The following GORASP2 variants were observed in gnomAD, a reference collection of about 807,000 sequenced individuals.
The protein encoded by GORASP2 is Golgi reassembly-stacking protein 2.
In GORASP2, 22 loss-of-function variants were observed where a neutral mutation model predicts 45.7. That is an observed-to-expected ratio of 0.48 (90% CI 0.34 to 0.69). GORASP2 has a LOEUF of 0.69. Ranked by LOEUF, GORASP2 falls within the 30% of genes least tolerant of loss-of-function variation. The pLI, the probability that GORASP2 is intolerant of heterozygous loss-of-function variation, is 0.01. For synonymous variants in GORASP2, 221 were observed against 215.6 expected (o/e 1.02, Z -0.22); for missense variants, 491 against 562.7 (o/e 0.87, Z 1.29).
At chr2:170,959,934 G>A (rs1351816891) in intron 7 of GORASP2, among the ~76,000 whole-genome samples, 3 of 148,082 alleles carry the variant, frequency 2.0e-5, no homozygotes, top group Non-Finnish European at 3.0e-5. Context: ...TGATTCTCCT[G>A]CCTCAGCCTC....
intron 1 of GORASP2, 81 bp from the exon 2 acceptor site, chr2:170,948,269 T>C: frequency 1.2e-6 from 1 of 807,270 alleles, no homozygotes; most frequent in Non-Finnish European, 2.2e-6. Flanking sequence ...AATTGGTCTA[T>C]TTTTACTGAA....
intron 8 of GORASP2, 27 bp downstream of exon 8, chr2:170,961,776 G>A: frequency 9.2e-7 from 1 of 1,087,498 alleles, no homozygotes; most frequent in Non-Finnish European, 1.4e-6. Flanking sequence ...TAGAGATGTG[G>A]CTGATAATAA....
intron 1 of GORASP2, among the ~76,000 whole-genome samples, chr2:170,946,369 GAAAA>G (rs758623304): frequency 6.6e-6 from 1 of 151,346 alleles, no homozygotes; most frequent in South Asian, 2.1e-4. Flanking sequence ...AAATATTTTG[GAAAA>G]AAAATGTGGA....
chr2:170,936,028 C>T (rs1169956809), intron 1 of GORASP2, among the ~76,000 whole-genome samples: 2 of 152,088 alleles, frequency 1.3e-5, no homozygotes, highest in Non-Finnish European at 2.9e-5. Context: ...CCTTCTGGGT[C>T]AGATACTAAC....
chr2:170,939,361 A>G (rs901110725), intron 1 of GORASP2, among the ~76,000 whole-genome samples: 23 of 151,910 alleles, frequency 1.5e-4, no homozygotes, highest in South Asian at 8.3e-4. Flanking sequence ...TGAGGCTTGA[A>G]CTCTTCTAGT....
chr2:170,947,738 CCTG>C (rs540974933), intron 1 of GORASP2, among the ~76,000 whole-genome samples: 1 of 152,098 alleles, frequency 6.6e-6, no homozygotes, highest in African/African-American at 2.4e-5. Flanking sequence ...TGCTGTGTCC[CCTG>C]CTAATTGCTG....
intron 1 of GORASP2, among the ~76,000 whole-genome samples, chr2:170,931,954 A>C (rs1267456112): frequency 6.6e-6 from 1 of 152,240 alleles, no homozygotes; most frequent in East Asian, 1.9e-4. Flanking sequence ...TTGGCCGCGC[A>C]CAGTGGCTCA....
chr2:170,929,952 C>T (rs563821912), intron 1 of GORASP2: 1 of 349,456 alleles, frequency 2.9e-6, no homozygotes, highest in South Asian at 2.1e-5. Context: ...GTAGGTTCGA[C>T]GGACTTAAAC....
At chr2:170,929,782 T>A in intron 1 of GORASP2, 1 of 483,668 alleles carries the variant, frequency 2.1e-6, no homozygotes, top group Non-Finnish European at 4.2e-6. Flanking sequence ...GTCTCCAAAG[T>A]GGTGACTGTG....
chr2:170,935,164 T>C (rs1703918720), intron 1 of GORASP2, among the ~76,000 whole-genome samples: 1 of 152,226 alleles, frequency 6.6e-6, no homozygotes, highest in African/African-American at 2.4e-5. Flanking sequence ...TATATAAATC[T>C]TGGGATACTT....
chr2:170,962,465 T>G (rs1359360562), intron 8 of GORASP2, among the ~76,000 whole-genome samples: 1 of 152,248 alleles, frequency 6.6e-6, no homozygotes, highest in South Asian at 2.1e-4. Context: ...TTAAAAGTCA[T>G]AGAGACTGTA....
At chr2:170,957,517 C>A (rs759786351) in intron 7 of GORASP2, among the ~76,000 whole-genome samples, 6 of 152,210 alleles carry the variant, frequency 3.9e-5, no homozygotes, top group Non-Finnish European at 7.3e-5. Flanking sequence ...CTCAGGTGAT[C>A]TGCCCTCCTC....
intron 5 of GORASP2, 163 bp downstream of exon 5, chr2:170,951,621 A>T: frequency 1.8e-6 from 1 of 552,060 alleles, no homozygotes; most frequent in Non-Finnish European, 3.2e-6. Context: ...CAATTTTTTT[A>T]AAGTACATAT....
chr2:170,962,020 C>T (rs144054139), intron 8 of GORASP2, among the ~76,000 whole-genome samples: 1 of 152,242 alleles, frequency 6.6e-6, no homozygotes, highest in Non-Finnish European at 1.5e-5. Flanking sequence ...TGCAGCTCTA[C>T]AGTGCAGCAT....
At chr2:170,936,167 A>G (rs112104402) in intron 1 of GORASP2, among the ~76,000 whole-genome samples, 3 of 151,996 alleles carry the variant, frequency 2.0e-5, no homozygotes, top group African/African-American at 7.2e-5. Flanking sequence ...TTGATTCACT[A>G]TAAAATACTA....
intron 7 of GORASP2, among the ~76,000 whole-genome samples, chr2:170,959,073 G>T (rs1446839269): frequency 3.3e-5 from 5 of 151,782 alleles, no homozygotes; most frequent in Non-Finnish European, 7.4e-5. Context: ...CGATTTTCCT[G>T]CCCCAGCCTC....
At position 170,965,989 on chromosome 2, in the gene GORASP2, T is replaced by A; in HGVS notation, c.1218T>A (p.Ala406=). Residue 406 remains alanine (A), a synonymous_variant, in exon 10 of 10, where the codon GCT becomes GCA. Coordinates refer to ENST00000234160, the MANE Select transcript of GORASP2 (RefSeq NM_015530.5). ...CCACAACTACTGCAAAGGCAGACGC[T>A]GCCTCCTCACTCACTGTGGATGTGA... The part of the protein sequence containing the change: ...DPATTTAKAD[A]ASSLTVDVTP... 6.2e-7 allele frequency: 1 copy of A among 1,613,896 alleles called. No individual in the cohort carries two copies. Among genetic ancestry groups the A allele is most frequent in the Non-Finnish European group, 8.5e-7 (1 of 1,179,874 alleles).
chr2:170,949,599 A>G lies in GORASP2; in HGVS notation c.205A>G (p.Met69Val), dbSNP rs1229983781. ...AGCAAACGTTGAAAAGCCTGTAAAGATGCTTATCTATAGCAGCAAAACATT... is the reference window on the plus strand; with the variant it reads ...AGCAAACGTTGAAAAGCCTGTAAAGGTGCTTATCTATAGCAGCAAAACATT... ...LKANVEKPVK[M>V]LIYSSKTLEL... Residue 69 changes from methionine (M) to valine (V), a missense_variant, in exon 3 of 10, where the codon ATG becomes GTG. Coordinates refer to ENST00000234160, the MANE Select transcript of GORASP2 (RefSeq NM_015530.5). The G allele has an allele frequency of 1.9e-6, 3 of 1,613,972 alleles. No homozygotes were observed. The highest frequency in any genetic ancestry group is 4.5e-5 in the East Asian group (2 of 44,888).
chr2:170,932,639 A>C (rs913284479), intron 1 of GORASP2, among the ~76,000 whole-genome samples: 4 of 152,242 alleles, frequency 2.6e-5, no homozygotes, highest in African/African-American at 9.6e-5. Context: ...TGTCCATTAG[A>C]GAACATTTGG....
Sources: gnomAD v4.1 joint callset for allele counts (sites outside exome capture counted in the v4.1 genomes callset) on GRCh38, gnomAD v4.1.1 for gene constraint, MANE v1.5 for transcripts, NCBI Gene and HGNC (gene_info 2026-07-23, HGNC 2026-07-21) for gene names.